IL17RA: variants seen among roughly 807,000 people sequenced by gnomAD.
IL17RA encodes the protein interleukin-17 receptor A.
A neutral mutation model predicts 50.4 loss-of-function variants in IL17RA; 34 were observed. The ratio of observed to expected loss-of-function variants is 0.67; its 90% CI spans 0.51 to 0.90. The LOEUF (loss-of-function observed/expected upper bound fraction) is 0.90, where lower values mean the gene tolerates loss of function less well. IL17RA is among the 40% of genes least tolerant of loss of function. The pLI is 0.00. For synonymous variants in IL17RA, 585 were observed against 510.4 expected, an observed-to-expected ratio of 1.15 and a Z score of -1.97; for missense variants, 1,276 against 1,169.8, an observed-to-expected ratio of 1.09 and a Z score of -1.32.
chr22:17,088,818 C>A (rs2061337802), intron 1 of IL17RA, among the ~76,000 whole-genome samples: 1 of 147,250 alleles, frequency 6.8e-6, no homozygotes, highest in Admixed American at 6.8e-5. Context: ...TATTTTGAGA[C>A]AAGGTCTCAC....
chr22:17,105,716 GGGGT>G, intron 10 of IL17RA, 114 bp downstream of exon 10: 1 of 1,278,618 alleles, frequency 7.8e-7, no homozygotes, highest in Non-Finnish European at 1.1e-6. Flanking sequence ...AGGCCAGCCC[GGGGT>G]GGGGGGTGAG....
At chr22:17,094,718 T>TATATATATATATATATATATATATATA in intron 1 of IL17RA, among the ~76,000 whole-genome samples, 1 of 116,278 alleles carries the variant, frequency 8.6e-6, no homozygotes, top group African/African-American at 3.4e-5. Flanking sequence ...TATATATATA[T>TATATATATATATATATATATATATATA]TCAGGGAGAT....
In IL17RA at chr22:17,112,841, AGT is replaced by A. The variant is rs2061449139; in HGVS notation, c.*3025_*3026del. ...TCCCACCTCTTCAGCTCGTCTCCTGAGTGTGCAGAGGTGGTTCCGGTTGGGAA... is the reference window on the plus strand; with the variant it reads ...TCCCACCTCTTCAGCTCGTCTCCTGAGTGCAGAGGTGGTTCCGGTTGGGAA... On this transcript the variant is annotated 3_prime_UTR_variant, in exon 13 of 13. Transcript: ENST00000319363. The A allele has an allele frequency of 6.6e-6, 1 of 152,088 alleles. No homozygotes were observed. The highest frequency in any genetic ancestry group is 1.5e-5 in the Non-Finnish European group (1 of 68,044). The allele number at this position is 152,088 out of a possible 1,614,324, so 9.4% of individuals were successfully genotyped here. A position where few individuals can be genotyped will look rare whatever the true frequency, so the allele number is the denominator to read the frequency against.
rs1280563177 is a variant in IL17RA at position 17,102,231 on chromosome 22, C to G, written c.691C>G (p.Gln231Glu). Residue 231 changes from glutamine to glutamate, a missense_variant, in exon 7 of 13, where the codon CAG becomes GAG. Physicochemically the swap from Gln to Glu is conservative, Grantham distance 29. Transcript: ENST00000319363. Reference protein sequence around the residue: ...FTLWNESTHYQILLTSFPHME... With the variant: ...FTLWNESTHYEILLTSFPHME... ...CCTGTGGAACGAATCTACCCATTAC[C>G]AGATCCTGCTGACCAGTTTTCCGCA... 2 of 1,614,190 alleles carry G rather than the reference C, an allele frequency of 1.2e-6. No homozygotes were observed. The highest frequency in any genetic ancestry group is 8.5e-7 in the Non-Finnish European group (1 of 1,180,038).
Position 17,097,862 on chromosome 22 carries a change from C to T in IL17RA, c.229C>T (p.Gln77Ter). Residue 77 changes from glutamine (Q) to a stop codon, truncating the protein, a stop_gained, in exon 3 of 13, where the codon CAG becomes TAG. Coordinates refer to ENST00000319363, the MANE Select transcript of IL17RA (RefSeq NM_014339.7). LOFTEE classifies it high-confidence loss of function. ...NLTPSSPKDL[Q>*]IQLHFAHTQQ... ...GACCCCCTCCTCCCCAAAGGACCTG[C>T]AGATCCAGCTGCACTTTGCCCACAC... The T allele has an allele frequency of 6.2e-7, 1 of 1,614,208 alleles. No individual in the cohort carries two copies. The highest frequency in any genetic ancestry group is 1.3e-5 in the African/African-American group (1 of 75,068).
At chr22:17,087,084 C>T (rs550400082) in intron 1 of IL17RA, among the ~76,000 whole-genome samples, 18 of 152,330 alleles carry the variant, frequency 1.2e-4, no homozygotes, top group Non-Finnish European at 2.2e-4. Flanking sequence ...CTGTATACAC[C>T]TGCCTCACAG....
chr22:17,099,741 G>A (rs1296226142), intron 4 of IL17RA, among the ~76,000 whole-genome samples: 1 of 152,118 alleles, frequency 6.6e-6, no homozygotes, highest in Non-Finnish European at 1.5e-5. Context: ...AAAGGACCCC[G>A]GCCCCTCCAC....
chr22:17,096,291 C>T (rs1166750845), intron 1 of IL17RA, among the ~76,000 whole-genome samples: 1 of 152,186 alleles, frequency 6.6e-6, no homozygotes, highest in African/African-American at 2.4e-5. Flanking sequence ...GCTTCCTCAT[C>T]TGCAGAATGG....
intron 11 of IL17RA, among the ~76,000 whole-genome samples, chr22:17,107,200 C>T (rs2061418156): frequency 2.0e-5 from 3 of 152,264 alleles, no homozygotes; most frequent in South Asian, 4.1e-4. Context: ...GGGGCTGCTT[C>T]TGGAAAGAAG....
Position 17,110,171 on chromosome 22 carries a change from G to A in IL17RA, c.*351G>A. The A allele has an allele frequency of 2.8e-6, 1 of 357,258 alleles. No homozygotes were observed. Among genetic ancestry groups the A allele is most frequent in the South Asian group, 2.3e-5 (1 of 43,570 alleles). 22.1% of individuals were successfully genotyped at this position (357,258 alleles called of 1,614,324 possible). A position where few individuals can be genotyped will look rare whatever the true frequency, so the allele number is the denominator to read the frequency against. On this transcript the variant is annotated 3_prime_UTR_variant, in exon 13 of 13. Coordinates refer to ENST00000319363, the MANE Select transcript of IL17RA (RefSeq NM_014339.7). ...CATGCGGCATGGCCCCAGCCATGAA[G>A]GAACTTAACCGCTAGTGCCGAGGAC...
At position 17,108,548 on chromosome 22, in the gene IL17RA, C is replaced by T. The variant is rs778035690; in HGVS notation, c.1329C>T (p.Ile443=). ...AGATGGTGGAGAGCAACTCTAAGAT[C>T]ATCGTCCTGTGCTCCCGCGGCACGC... ...KQEMVESNSK[I]IVLCSRGTRA... is the part of the protein sequence containing the mutation. Residue 443 remains isoleucine (I), a synonymous_variant, in exon 13 of 13, where the codon ATC becomes ATT. Coordinates refer to ENST00000319363, the MANE Select transcript of IL17RA (RefSeq NM_014339.7). 7 of 1,609,498 alleles carry T rather than the reference C, an allele frequency of 4.3e-6. No homozygotes were observed. Among genetic ancestry groups the T allele is most frequent in the East Asian group, 4.5e-5 (2 of 44,874 alleles).
chr22:17,105,831 C>A, intron 10 of IL17RA, 22 bp from the exon 11 acceptor site: 1 of 1,600,512 alleles, frequency 6.2e-7, no homozygotes, highest in Middle Eastern at 1.8e-4. Context: ...CCGCATCACT[C>A]ACGCTGTTCT....
rs1444953023 is a variant in IL17RA, at chr22:17,109,461, C to A, written c.2242C>A (p.Leu748Ile). 1.2e-6 allele frequency: 2 copies of A among 1,612,982 alleles called. No individual in the cohort carries two copies. Among genetic ancestry groups the A allele is most frequent in the South Asian group, 1.1e-5 (1 of 90,954 alleles). Residue 748 changes from leucine to isoleucine, a missense_variant, in exon 13 of 13, where the codon CTC becomes ATC. Leu to Ile is a conservative substitution (Grantham distance 5, BLOSUM62 2). Transcript: ENST00000319363. The part of the protein sequence containing the change: ...DLLPEDVREH[L>I]EGLMLSLFEQ... ...CCTTCCAGAGGACGTGAGGGAGCAC[C>A]TCGAAGGCTTGATGCTCTCGCTCTT...
intron 1 of IL17RA, among the ~76,000 whole-genome samples, chr22:17,092,840 AT>A (rs767658038): frequency 8.6e-5 from 13 of 151,884 alleles, no homozygotes; most frequent in Non-Finnish European, 1.3e-4. Context: ...ATGATCATAT[AT>A]TTTTTCCTAT....
At position 17,097,067 on chromosome 22, in the gene IL17RA, A is replaced by G. The variant is rs181987050; in HGVS notation, c.144A>G (p.Leu48=). ...CCACCCTCTTTTTTCCACAGGGGCT[A>G]AACTGCACGGTCAAGAATAGTAAGT... The part of the protein sequence containing the change: ...HRALVCSQPG[L]NCTVKNSTCL... Residue 48 remains leucine (L), a synonymous_variant, in exon 2 of 13, where the codon CTA becomes CTG. Coordinates refer to ENST00000319363, the MANE Select transcript of IL17RA (RefSeq NM_014339.7). The G allele has an allele frequency of 9.9e-6, 16 of 1,613,726 alleles. No homozygotes were observed. The East Asian group carries it at 2.9e-4, about 29-fold the overall frequency.
At chr22:17,088,248 C>T (rs2061335192) in intron 1 of IL17RA, among the ~76,000 whole-genome samples, 1 of 152,178 alleles carries the variant, frequency 6.6e-6, no homozygotes, top group Non-Finnish European at 1.5e-5. Flanking sequence ...ATACAATCTT[C>T]CATTTCTTCC....
chr22:17,100,244 C>G lies in IL17RA; in HGVS notation c.424-111C>G, dbSNP rs564837545. On this transcript the variant is annotated intron_variant, in intron 4 of 12. Transcript: ENST00000319363. ...ATTTTGCTGTGGTTGTTGCTTTGTT[C>G]TTATTTTTGGCTGAATATTCGGGAG... is the stretch of plus-strand genomic sequence containing the variant. 2.2e-4 allele frequency: 283 copies of G among 1,304,526 alleles called. 1 individual carries two copies. In the Middle Eastern group the frequency reaches 5.0e-3, roughly 23 times the overall value. 80.8% of individuals were successfully genotyped at this position (1,304,526 alleles called of 1,614,324 possible).
At chr22:17,101,579 G>A (rs1386917495) in intron 5 of IL17RA, among the ~76,000 whole-genome samples, 3 of 152,232 alleles carry the variant, frequency 2.0e-5, no homozygotes, top group African/African-American at 7.2e-5. Context: ...TGTTGAAGGA[G>A]TGAATCTCCT....
In IL17RA at chr22:17,109,457, G is replaced by A. The variant is rs2061430630; in HGVS notation, c.2238G>A (p.Glu746=). 6.2e-7 allele frequency: 1 copy of A among 1,613,174 alleles called. No homozygotes were observed. Among genetic ancestry groups the A allele is most frequent in the Non-Finnish European group, 8.5e-7 (1 of 1,179,926 alleles). ...SPDLLPEDVR[E]HLEGLMLSLF... Reference sequence around the variant, plus strand: ...ACCTCCTTCCAGAGGACGTGAGGGAGCACCTCGAAGGCTTGATGCTCTCGC... The same window carrying A: ...ACCTCCTTCCAGAGGACGTGAGGGAACACCTCGAAGGCTTGATGCTCTCGC... Residue 746 remains glutamate (E), a synonymous_variant, in exon 13 of 13, where the codon GAG becomes GAA. Transcript: ENST00000319363.
Sources: allele counts gnomAD v4.1 joint callset (sites outside exome capture counted in the v4.1 genomes callset), GRCh38; gene constraint gnomAD v4.1.1; transcripts MANE v1.5; gene names NCBI Gene and HGNC (gene_info 2026-07-23, HGNC 2026-07-21).